C16orf96: variants seen among roughly 807,000 people sequenced by gnomAD.
The protein encoded by C16orf96 is uncharacterized protein C16orf96.
C16orf96 carries 108 observed loss-of-function variants against 103.6 expected under a neutral mutation model. The observed-to-expected ratio is 1.04, with a 90% CI of 0.89 to 1.22. The LOEUF is 1.22. Ranked by LOEUF, C16orf96 falls within the 50% of genes most tolerant of loss-of-function variation. The pLI is 0.00. For missense variants in C16orf96, 1,586 were observed against 1,464.2 expected (o/e 1.08, Z -1.36); for synonymous variants, 566 against 593.5 (o/e 0.95, Z 0.67).
intron 15 of C16orf96, 45 bp downstream of exon 15, chr16:4,599,409 G>C: frequency 6.7e-7 from 1 of 1,494,896 alleles, no homozygotes; most frequent in South Asian, 1.2e-5. Flanking sequence ...GATTCTGGAA[G>C]GGTCTCCAGT....
Position 4,600,433 on chromosome 16 carries a change from G to A in C16orf96, c.*116G>A. ...CACATCGGAGGCTGAGGCCTATGTG[G>A]CCCCCCACCCCCACCCCCACCAAGT... On this transcript the variant is annotated 3_prime_UTR_variant, in exon 16 of 16. Coordinates refer to ENST00000444310, the MANE Select transcript of C16orf96 (RefSeq NM_001145011.2). 3.1e-6 allele frequency: 2 copies of A among 655,708 alleles called. No individual in the cohort carries two copies. The highest frequency in any genetic ancestry group is 1.8e-5 in the South Asian group (1 of 55,348). 40.6% of individuals were successfully genotyped at this position (655,708 alleles called of 1,614,324 possible). A position where few individuals can be genotyped will look rare whatever the true frequency, so the allele number is the denominator to read the frequency against.
intron 1 of C16orf96, 120 bp from the exon 2 acceptor site, chr16:4,571,441 A>T: frequency 1.3e-6 from 1 of 762,358 alleles, no homozygotes; most frequent in Non-Finnish European, 2.1e-6. Flanking sequence ...GTTCCAGTCT[A>T]GGCCTTGGGA....
the C16orf96 span, among the ~76,000 whole-genome samples, chr16:4,545,188 T>A: frequency 7.8e-4 from 119 of 152,290 alleles, no homozygotes; most frequent in African/African-American, 2.8e-3. Context: ...ATTTTTGGAC[T>A]TCTGTATCTG....
Position 4,575,436 on chromosome 16 carries a change from G to A in C16orf96, c.956G>A (p.Gly319Glu), listed in dbSNP as rs1205677653. The change falls in exon 5 of 16, where the codon GGG (glycine) becomes GAG (glutamate). Residue 319 changes from glycine (G) to glutamate (E), a missense_variant. Physicochemically the swap from Gly to Glu is moderately conservative, Grantham distance 98 (BLOSUM62 -2). Coordinates refer to ENST00000444310, the MANE Select transcript of C16orf96 (RefSeq NM_001145011.2). ...PPALTPESAP[G>E]CTTEFAPGPA... Reference sequence around the variant, plus strand: ...GCCCTCACGCCTGAGTCTGCACCTGGGTGCACAACTGAATTTGCACCTGGG... The same window carrying A: ...GCCCTCACGCCTGAGTCTGCACCTGAGTGCACAACTGAATTTGCACCTGGG... The A allele has an allele frequency of 4.4e-5, 68 of 1,549,352 alleles. No homozygotes were observed. The highest frequency in any genetic ancestry group is 5.8e-5 in the Non-Finnish European group (67 of 1,146,940).
Position 4,574,751 on chromosome 16 carries a change from A to G in C16orf96, c.568A>G (p.Ile190Val). 1.3e-6 allele frequency: 2 copies of G among 1,551,908 alleles called. No individual in the cohort carries two copies. The highest frequency in any genetic ancestry group is 1.2e-5 in the South Asian group (1 of 84,062). The change falls in exon 3 of 16, where the codon ATA becomes GTA. Residue 190 changes from isoleucine (I) to valine (V), a missense_variant. Transcript: ENST00000444310. ...GGACATCTTTGCTGAAGACTTCAAAATACAGAACTGGAAGATGGTTGCACT... is the reference window on the plus strand; with the variant it reads ...GGACATCTTTGCTGAAGACTTCAAAGTACAGAACTGGAAGATGGTTGCACT... ...RMDIFAEDFK[I>V]QNWKMVALQR...
chr16:4,555,269 T>TGC, upstream of C16orf96, among the ~76,000 whole-genome samples: 1 of 145,688 alleles, frequency 6.9e-6, no homozygotes, highest in African/African-American at 2.5e-5. Flanking sequence ...TCACACACAC[T>TGC]ACACACACAC....
At chr16:4,597,083 T>C (rs1897188613) in intron 14 of C16orf96, among the ~76,000 whole-genome samples, 1 of 13,210 alleles carries the variant, frequency 7.6e-5, no homozygotes, top group African/African-American at 9.4e-5. Context: ...GATGTATCTT[T>C]TTGGGGAGCA....
intron 5 of C16orf96, among the ~76,000 whole-genome samples, chr16:4,577,073 C>T (rs535640824): frequency 6.6e-6 from 1 of 152,170 alleles, no homozygotes; most frequent in South Asian, 2.1e-4. Context: ...TGCCTGTAAT[C>T]CCAGCTACTC....
At chr16:4,575,092 G>A (rs1056279790) in intron 4 of C16orf96, 34 bp downstream of exon 4, 1 of 1,550,476 alleles carries the variant, frequency 6.4e-7, no homozygotes, top group Non-Finnish European at 8.7e-7. Flanking sequence ...TTAGCAGGAA[G>A]CTGGGGAGCA....
At chr16:4,581,214 A>G (rs1430316216) in intron 7 of C16orf96, among the ~76,000 whole-genome samples, 1 of 143,360 alleles carries the variant, frequency 7.0e-6, no homozygotes, top group Non-Finnish European at 1.5e-5. Flanking sequence ...ACACACCTGT[A>G]ATCCCAGCTA....
At chr16:4,579,165 A>T in intron 6 of C16orf96, 140 bp downstream of exon 6, 1 of 757,194 alleles carries the variant, frequency 1.3e-6, no homozygotes, top group Non-Finnish European at 2.1e-6. Flanking sequence ...CTGGCTGCGA[A>T]GGCAGCTGCT....
chr16:4,542,319 T>G, the C16orf96 span, among the ~76,000 whole-genome samples: 3 of 151,728 alleles, frequency 2.0e-5, no homozygotes, highest in African/African-American at 7.3e-5. Context: ...GAGCAAGAAT[T>G]GCGCCATTGC....
chr16:4,551,923 C>G (rs2059230372), upstream of C16orf96, among the ~76,000 whole-genome samples: 1 of 152,098 alleles, frequency 6.6e-6, no homozygotes, highest in South Asian at 2.1e-4. Flanking sequence ...TTCCCCCACC[C>G]CACGACAGGC....
intron 9 of C16orf96, among the ~76,000 whole-genome samples, chr16:4,589,111 A>C (rs1896996386): frequency 6.6e-6 from 1 of 152,134 alleles, no homozygotes; most frequent in African/African-American, 2.4e-5. Context: ...CCTCCACCCC[A>C]CATCCCTGCA....
intron 1 of C16orf96, chr16:4,560,728 A>T (rs1160662908): frequency 1.3e-5 from 2 of 152,100 alleles, no homozygotes; most frequent in Admixed American, 6.6e-5. Flanking sequence ...CAAGAGGATC[A>T]CTTGAGCCCA....
intron 8 of C16orf96, among the ~76,000 whole-genome samples, chr16:4,587,396 C>A (rs1375560644): frequency 6.6e-6 from 1 of 152,022 alleles, no homozygotes; most frequent in Non-Finnish European, 1.5e-5. Flanking sequence ...GGCGTGGTGG[C>A]AGGTAACTGT....
upstream of C16orf96, among the ~76,000 whole-genome samples, chr16:4,552,481 C>CAAAAAA (rs58618088): frequency 2.9e-5 from 2 of 67,834 alleles, no homozygotes; most frequent in Non-Finnish European, 7.0e-5. Flanking sequence ...GACTCTGTCT[C>CAAAAAA]AAAAAAAAAA....
chr16:4,547,618 CTT>C, the C16orf96 span, among the ~76,000 whole-genome samples: 1 of 151,552 alleles, frequency 6.6e-6, no homozygotes, highest in Non-Finnish European at 1.5e-5. Flanking sequence ...TCCTTTCTTT[CTT>C]TCTTTCTCTT....
At chr16:4,559,363 T>G (rs929576615) in intron 1 of C16orf96, among the ~76,000 whole-genome samples, 3 of 151,588 alleles carry the variant, frequency 2.0e-5, no homozygotes, top group Non-Finnish European at 2.9e-5. Flanking sequence ...GCCAACATCA[T>G]GAAAACCCGT....
Sources: allele counts gnomAD v4.1 joint callset (sites outside exome capture counted in the v4.1 genomes callset), GRCh38; gene constraint gnomAD v4.1.1; transcripts MANE v1.5; gene names NCBI Gene and HGNC (gene_info 2026-07-23, HGNC 2026-07-21).